Variants in ESCO2 observed in about 807,000 individuals in gnomAD.
ESCO2 encodes N-acetyltransferase ESCO2.
A neutral mutation model predicts 61.7 loss-of-function variants in ESCO2; 51 were observed. The ratio of observed to expected loss-of-function variants is 0.83; its 90% CI spans 0.66 to 1.04. The LOEUF (loss-of-function observed/expected upper bound fraction) is 1.04, where lower values mean the gene tolerates loss of function less well. Among genes scored for constraint, ESCO2 ranks in the 50% least tolerant of loss-of-function variants. The pLI is 0.00. For synonymous variants in ESCO2, 230 were observed against 238.2 expected (o/e 0.97, Z 0.32); for missense variants, 692 against 686.2 (o/e 1.01, Z -0.09).
chr8:27,813,806 T>C (rs189396344), downstream of ESCO2, among the ~76,000 whole-genome samples: 82 of 152,324 alleles, frequency 5.4e-4, no homozygotes, highest in Middle Eastern at 0.01. Context: ...TAAGTCCTAG[T>C]TGGTCAAGAT....
intron 3 of ESCO2, chr8:27,779,489 A>G (rs985208204): frequency 6.6e-6 from 1 of 152,046 alleles, no homozygotes; most frequent in African/African-American, 2.4e-5. Flanking sequence ...TTAGCTGCTG[A>G]TTTTTAAAGT....
In ESCO2 at chr8:27,803,559, C is replaced by CACACACAG. The variant is rs1429894800; in HGVS notation, c.*128_*129insGACACACA. ...CGAGACTCACACTCATACACACACACACACACACGCACACACACATATCAC... is the reference window on the plus strand; with the variant it reads ...CGAGACTCACACTCATACACACACACACACACAGACACACACGCACACACACATATCAC... On this transcript the variant is annotated 3_prime_UTR_variant, in exon 11 of 11. Coordinates refer to ENST00000305188, the MANE Select transcript of ESCO2 (RefSeq NM_001017420.3). The CACACACAG allele has an allele frequency of 6.9e-7, 1 of 1,457,106 alleles. No homozygotes were observed. Among genetic ancestry groups the CACACACAG allele is most frequent in the African/African-American group, 1.4e-5 (1 of 69,480 alleles). 90.3% of individuals were successfully genotyped at this position (1,457,106 alleles called of 1,614,324 possible). A position where few individuals can be genotyped will look rare whatever the true frequency, so the allele number is the denominator to read the frequency against.
In ESCO2 at chr8:27,805,106, C is replaced by A. The variant is rs1172886401; in HGVS notation, c.*1668C>A. On this transcript the variant is annotated 3_prime_UTR_variant, in exon 11 of 11. Transcript: ENST00000305188. ...GACCATCCTGGCTAACAAGGTGAAACCCCGTCTCTACTAAAAATACAAAAA... is the reference window on the plus strand; with the variant it reads ...GACCATCCTGGCTAACAAGGTGAAAACCCGTCTCTACTAAAAATACAAAAA... 1 of 118,966 alleles carries A rather than the reference C, an allele frequency of 8.4e-6. No individual in the cohort carries two copies. Among genetic ancestry groups the A allele is most frequent in the African/African-American group, 3.7e-5 (1 of 27,236 alleles). 7.4% of individuals were successfully genotyped at this position (118,966 alleles called of 1,614,324 possible).
intron 9 of ESCO2, among the ~76,000 whole-genome samples, chr8:27,796,307 A>C (rs1805295350): frequency 6.6e-6 from 1 of 151,888 alleles, no homozygotes; most frequent in South Asian, 2.1e-4. Flanking sequence ...GATTTTGTTT[A>C]GTTGAGTCTT....
chr8:27,818,930 C>G, the ESCO2 span, among the ~76,000 whole-genome samples: 1 of 152,044 alleles, frequency 6.6e-6, no homozygotes, highest in East Asian at 1.9e-4. Flanking sequence ...GTGTTTTTTT[C>G]TAAAATGTCC....
chr8:27,819,589 T>C, the ESCO2 span, among the ~76,000 whole-genome samples: 1 of 152,096 alleles, frequency 6.6e-6, no homozygotes, highest in Non-Finnish European at 1.5e-5. Flanking sequence ...ATTCATACTT[T>C]TTATAATTCG....
intron 1 of ESCO2, among the ~76,000 whole-genome samples, chr8:27,775,079 G>A (rs1013942621): frequency 6.6e-6 from 1 of 152,210 alleles, no homozygotes; most frequent in East Asian, 1.9e-4. Flanking sequence ...GTAGCCGCCT[G>A]CTCGTGCATT....
intron 5 of ESCO2, among the ~76,000 whole-genome samples, chr8:27,787,567 T>A (rs957032010): frequency 2.0e-5 from 3 of 152,188 alleles, no homozygotes; most frequent in Admixed American, 1.3e-4. Flanking sequence ...AATCTTTTTT[T>A]AAAGGGCAAA....
chr8:27,804,869 G>A lies in ESCO2; in HGVS notation c.*1431G>A. The A allele has an allele frequency of 1.6e-6, 1 of 611,070 alleles. No individual in the cohort carries two copies. The highest frequency in any genetic ancestry group is 2.0e-6 in the Non-Finnish European group (1 of 488,262). 37.9% of individuals were successfully genotyped at this position (611,070 alleles called of 1,614,324 possible). ...AACATTTTGTTTGCTTAATGCTTTT[G>A]TTATGAATCAATTAAAATTCTTTAT... On this transcript the variant is annotated 3_prime_UTR_variant, in exon 11 of 11. Transcript: ENST00000305188.
In ESCO2 at chr8:27,803,546, T is replaced by TCAGACA; in HGVS notation, c.*110_*111insGACACA. The TCAGACA allele has an allele frequency of 8.9e-6, 10 of 1,124,668 alleles. No homozygotes were observed. The highest frequency in any genetic ancestry group is 5.7e-5 in the East Asian group (2 of 35,188). The allele number at this position is 1,124,668 out of a possible 1,614,324, so 69.7% of individuals were successfully genotyped here. A position where few individuals can be genotyped will look rare whatever the true frequency, so the allele number is the denominator to read the frequency against. On this transcript the variant is annotated 3_prime_UTR_variant, in exon 11 of 11. Transcript: ENST00000305188. ...AAATAAAAAATACCGAGACTCACAC[T>TCAGACA]CATACACACACACACACACACGCAC...
chr8:27,784,120 T>C (rs1804984452), intron 5 of ESCO2, 63 bp downstream of exon 5: 9 of 1,510,946 alleles, frequency 6.0e-6, no homozygotes, highest in South Asian at 1.1e-5. Context: ...CTGGGTCTCT[T>C]TTTCAGTCTC....
intron 10 of ESCO2, among the ~76,000 whole-genome samples, chr8:27,802,328 G>T: frequency 6.6e-6 from 1 of 150,994 alleles, no homozygotes; most frequent in African/African-American, 2.4e-5. Flanking sequence ...CTGGACGGTC[G>T]CTCTTGCCTG....
downstream of ESCO2, chr8:27,810,296 A>T: frequency 6.3e-7 from 1 of 1,588,990 alleles, no homozygotes. Context: ...ACTTCAGCTG[A>T]GATGATCACT....
At chr8:27,778,022 A>C (rs1804838664) in intron 3 of ESCO2, 1 of 152,236 alleles carries the variant, frequency 6.6e-6, no homozygotes, top group African/African-American at 2.4e-5. Context: ...CAGTAAACCA[A>C]ATCTCACCCA....
At chr8:27,801,969 ATTT>A (rs34539100) in intron 10 of ESCO2, among the ~76,000 whole-genome samples, 17 of 83,790 alleles carry the variant, frequency 2.0e-4, no homozygotes, top group East Asian at 3.6e-4. Flanking sequence ...CCTTCATGGC[ATTT>A]TTTTTTTTTT....
At chr8:27,809,784 G>T (rs1361230247), downstream of ESCO2, 1 of 152,222 alleles carries the variant, frequency 6.6e-6, no homozygotes, top group African/African-American at 2.4e-5. Flanking sequence ...GGAGATCCAA[G>T]AGATCAAGAC....
chr8:27,784,031 C>T lies in ESCO2; in HGVS notation c.987C>T (p.Phe329=). ...ISPKSTVYPI[F]SASSVNSKRS... is the part of the protein sequence containing the mutation. ...CTAAGTCCACTGTCTATCCAATCTTCAGTGCATCTTCAGTCAATTCAAAAA... is the reference window on the plus strand; with the variant it reads ...CTAAGTCCACTGTCTATCCAATCTTTAGTGCATCTTCAGTCAATTCAAAAA... The change falls in exon 5 of 11, where the codon TTC becomes TTT. Residue 329 remains phenylalanine, a synonymous_variant. Transcript: ENST00000305188. 6.2e-7 allele frequency: 1 copy of T among 1,613,628 alleles called. No individual in the cohort carries two copies. Among genetic ancestry groups the T allele is most frequent in the Non-Finnish European group, 8.5e-7 (1 of 1,179,668 alleles).
chr8:27,810,429 T>G (rs372784235), downstream of ESCO2: 14 of 1,608,126 alleles, frequency 8.7e-6, no homozygotes, highest in Non-Finnish European at 1.2e-5. Context: ...TTCTTCCATA[T>G]TAATAGGTGG....
chr8:27,780,368 G>A, intron 4 of ESCO2, 101 bp downstream of exon 4: 1 of 792,536 alleles, frequency 1.3e-6, no homozygotes, highest in South Asian at 1.5e-5. Flanking sequence ...TCTTTTTTCA[G>A]TAGCGTGCCT....
Sources: allele counts gnomAD v4.1 joint callset (sites outside exome capture counted in the v4.1 genomes callset), GRCh38; gene constraint gnomAD v4.1.1; transcripts MANE v1.5; gene names NCBI Gene and HGNC (gene_info 2026-07-23, HGNC 2026-07-21).